The following RNF212 variants were observed in gnomAD, a reference collection of about 807,000 sequenced individuals.
RNF212 encodes probable E3 SUMO-protein ligase RNF212.
A neutral mutation model predicts 34.7 loss-of-function variants in RNF212; 33 were observed. The observed-to-expected ratio is 0.95, with a 90% CI of 0.72 to 1.27. The LOEUF (loss-of-function observed/expected upper bound fraction) is 1.27, where lower values mean the gene tolerates loss of function less well. RNF212 is among the 50% of genes most tolerant of loss of function. RNF212 has a pLI of 0.00. For synonymous variants in RNF212, 140 were observed against 136.1 expected, an observed-to-expected ratio of 1.03 and a Z score of -0.20; for missense variants, 377 against 362.2, an observed-to-expected ratio of 1.04 and a Z score of -0.33.
chr4:1,081,418 C>T lies in RNF212; in HGVS notation c.464+1G>A. ...GTGATTTCTGCAAGCAACCCACACA[C>T]CTGTCGGGGGCTGATGAGTGAGGTG... On this transcript the variant is annotated splice_donor_variant, in intron 7 of 9. Transcript: ENST00000433731. LOFTEE classifies it high-confidence loss of function. The T allele has an allele frequency of 6.2e-7, 1 of 1,613,598 alleles. No homozygotes were observed. The highest frequency in any genetic ancestry group is 1.1e-5 in the South Asian group (1 of 91,064).
chr4:1,069,095 C>T (rs760571384), downstream of RNF212, among the ~76,000 whole-genome samples: 2 of 151,954 alleles, frequency 1.3e-5, no homozygotes, highest in Non-Finnish European at 2.9e-5. Context: ...CCTATAGTCC[C>T]AGCTACTTGG....
chr4:1,093,821 G>A, intron 3 of RNF212: 1 of 1,536,304 alleles, frequency 6.5e-7, no homozygotes, highest in Non-Finnish European at 8.7e-7. Context: ...GTCCTGGATG[G>A]TGTTTCCCTG....
chr4:1,093,768 T>C (rs1363927155), intron 3 of RNF212: 2 of 1,536,094 alleles, frequency 1.3e-6, no homozygotes, highest in Non-Finnish European at 1.7e-6. Flanking sequence ...TTGGTGTGAA[T>C]GAGGGTCCTG....
intron 2 of RNF212, among the ~76,000 whole-genome samples, chr4:1,105,329 C>T (rs1205370222): frequency 2.0e-5 from 3 of 152,228 alleles, no homozygotes; most frequent in Admixed American, 6.5e-5. Flanking sequence ...CAGCCACCCA[C>T]CACATCCCCA....
intron 1 of RNF212, among the ~76,000 whole-genome samples, chr4:1,113,106 C>T (rs111155337): frequency 0.015 from 25 of 1,648 alleles, 2 homozygotes; most frequent in South Asian, 0.1. Context: ...TTCTCCCCCT[C>T]GGCCCCCCAC....
intron 2 of RNF212, among the ~76,000 whole-genome samples, chr4:1,098,278 C>T (rs1025436569): frequency 2.6e-5 from 4 of 152,178 alleles, no homozygotes; most frequent in Non-Finnish European, 5.9e-5. Context: ...GAAAAAAATA[C>T]TCTATTTGTG....
At chr4:1,079,597 C>A in intron 8 of RNF212, 46 bp downstream of exon 8, 1 of 1,324,886 alleles carries the variant, frequency 7.5e-7, no homozygotes, top group Non-Finnish European at 1.1e-6. Flanking sequence ...TGGGAAATGC[C>A]ACACGTCTGG....
intron 7 of RNF212, 145 bp from the exon 8 acceptor site, chr4:1,079,833 G>A (rs1301396653): frequency 1.5e-5 from 10 of 679,400 alleles, no homozygotes; most frequent in Non-Finnish European, 2.7e-5. Context: ...AGCCACTTAG[G>A]CATCTGATCA....
At chr4:1,056,281 C>T (rs1169247376) in exon 5 of RNF212, 2 of 152,734 alleles carry the variant, frequency 1.3e-5, no homozygotes, top group Admixed American at 1.3e-4. Context: ...TATTCCACTA[C>T]ATTACTTAAT....
intron 8 of RNF212, 21 bp from the exon 9 acceptor site, chr4:1,073,683 CAA>C (rs777579306): frequency 3.2e-6 from 5 of 1,582,330 alleles, no homozygotes; most frequent in Non-Finnish European, 4.3e-6. Flanking sequence ...AACAAGAAAA[CAA>C]TGGGTAAAAT....
At chr4:1,070,155 CTG>C (rs1718360848), downstream of RNF212, among the ~76,000 whole-genome samples, 1 of 149,914 alleles carries the variant, frequency 6.7e-6, no homozygotes, top group Non-Finnish European at 1.5e-5. Flanking sequence ...TAGGACTGCG[CTG>C]TGTCAGCGTG....
At chr4:1,099,378 C>T (rs1379074696) in intron 2 of RNF212, among the ~76,000 whole-genome samples, 1 of 152,108 alleles carries the variant, frequency 6.6e-6, no homozygotes, top group Non-Finnish European at 1.5e-5. Context: ...CACAGAGATT[C>T]GGGAGGCAGC....
At chr4:1,086,482 GC>G (rs930681270) in intron 4 of RNF212, among the ~76,000 whole-genome samples, 52 of 146,958 alleles carry the variant, frequency 3.5e-4, no homozygotes, top group African/African-American at 1.2e-3. Flanking sequence ...CAAAATCTGA[GC>G]CCAGGCTGGC....
chr4:1,084,781 T>C (rs1720915333), intron 5 of RNF212, among the ~76,000 whole-genome samples: 1 of 143,894 alleles, frequency 6.9e-6, no homozygotes, highest in Non-Finnish European at 1.5e-5. Flanking sequence ...GAGAATACAC[T>C]GCAGGCTGGA....
At chr4:1,063,479 G>A (rs1186692985) in intron 3 of RNF212, among the ~76,000 whole-genome samples, 1 of 152,126 alleles carries the variant, frequency 6.6e-6, no homozygotes, top group Non-Finnish European at 1.5e-5. Flanking sequence ...GGGAGGCCGA[G>A]GTGGGCAGAT....
In RNF212 at chr4:1,090,814, T is replaced by G; in HGVS notation, c.271A>C (p.Arg91=). ...CTATAGAAGGCTAACAATCTCTTCC[T>G]GTGTTTTTCTTGAAATTCTAAAATC... ...SQILEFQEKH[R]KRLLAFYREK... The change falls in exon 4 of 10, where the codon AGG becomes CGG. Residue 91 remains arginine (R), a synonymous_variant. Coordinates refer to ENST00000433731, the MANE Select transcript of RNF212 (RefSeq NM_001131034.4). 6.3e-7 allele frequency: 1 copy of G among 1,593,378 alleles called. No homozygotes were observed. Among genetic ancestry groups the G allele is most frequent in the Non-Finnish European group, 8.6e-7 (1 of 1,161,958 alleles).
At chr4:1,107,601 C>G (rs1725028095) in intron 2 of RNF212, among the ~76,000 whole-genome samples, 4 of 152,030 alleles carry the variant, frequency 2.6e-5, no homozygotes, top group Admixed American at 2.6e-4. Flanking sequence ...AGGCGCCCAC[C>G]ACCACGCCCA....
intron 4 of RNF212, chr4:1,058,261 G>C: frequency 1.7e-6 from 1 of 588,230 alleles, no homozygotes; most frequent in East Asian, 1.4e-4. Context: ...AGAACGCTGT[G>C]AAGAAGGTGC....
chr4:1,062,286 G>A (rs979549137), intron 3 of RNF212, among the ~76,000 whole-genome samples: 15 of 152,072 alleles, frequency 9.9e-5, no homozygotes, highest in Admixed American at 3.3e-4. Flanking sequence ...CATACACCAC[G>A]ACCAACCGGG....
Sources: allele counts gnomAD v4.1 joint callset (sites outside exome capture counted in the v4.1 genomes callset), GRCh38; gene constraint gnomAD v4.1.1; transcripts MANE v1.5; gene names NCBI Gene and HGNC (gene_info 2026-07-23, HGNC 2026-07-21).